Variants in ELAVL2 observed in about 807,000 individuals in gnomAD.
ELAVL2 encodes the protein ELAV like RNA binding protein 2.
Under a neutral mutation model 34.6 loss-of-function variants are expected in ELAVL2, and 4 were observed. The ratio of observed to expected loss-of-function variants is 0.12; its 90% CI spans 0.06 to 0.26. The LOEUF (loss-of-function observed/expected upper bound fraction) is 0.26. Among genes scored for constraint, ELAVL2 ranks in the 10% least tolerant of loss-of-function variants. ELAVL2 has a pLI of 1.00. For missense variants in ELAVL2, 432 were observed against 442.8 expected (o/e 0.98, Z 0.22); for synonymous variants, 193 against 154.8 (o/e 1.25, Z -1.83).
the ELAVL2 span, chr9:23,832,302 C>T: frequency 6.6e-6 from 1 of 152,258 alleles, no homozygotes; most frequent in African/African-American, 2.4e-5. Flanking sequence ...CAACTCCCTC[C>T]TCCCTTTACC....
chr9:23,706,506 T>C (rs540489075), intron 3 of ELAVL2, among the ~76,000 whole-genome samples: 134 of 152,324 alleles, frequency 8.8e-4, no homozygotes, highest in African/African-American at 2.9e-3. Flanking sequence ...TCTCTGCCTA[T>C]AACCTATCTT....
intron 1 of ELAVL2, among the ~76,000 whole-genome samples, chr9:23,775,404 A>G (rs374097118): frequency 3.9e-5 from 6 of 152,158 alleles, no homozygotes; most frequent in East Asian, 3.9e-4. Flanking sequence ...GCTATATTAC[A>G]TTCTCTTCAA....
chr9:23,716,409 A>G (rs1385387697), intron 3 of ELAVL2, among the ~76,000 whole-genome samples: 1 of 152,212 alleles, frequency 6.6e-6, no homozygotes, highest in Non-Finnish European at 1.5e-5. Flanking sequence ...CACATCTTCA[A>G]TGTATAGTGA....
intron 1 of ELAVL2, among the ~76,000 whole-genome samples, chr9:23,762,948 TAGGAC>T (rs2055377305): frequency 6.6e-6 from 1 of 152,060 alleles, no homozygotes; most frequent in South Asian, 2.1e-4. Context: ...TAGAATCTAA[TAGGAC>T]ACTCCTGTCA....
rs181727656 is a variant in ELAVL2, at chr9:23,690,841, A to G, written c.*1716T>C. 2.6e-5 allele frequency: 4 copies of G among 152,694 alleles called. 1 individual carries two copies. The highest frequency in any genetic ancestry group is 7.2e-5 in the African/African-American group (3 of 41,566). 9.5% of individuals were successfully genotyped at this position (152,694 alleles called of 1,614,324 possible). A position where few individuals can be genotyped will look rare whatever the true frequency, so the allele number is the denominator to read the frequency against. On this transcript the variant is annotated 3_prime_UTR_variant, in exon 7 of 7. Transcript: ENST00000397312. ...GAAAATTTATTATAAGCTAGATGCT[A>G]ATCAGAAAATATTTTGTATTTTTTA...
chr9:23,745,223 A>G (rs1003598361), intron 2 of ELAVL2, among the ~76,000 whole-genome samples: 12 of 152,252 alleles, frequency 7.9e-5, no homozygotes, highest in Middle Eastern at 6.8e-3. Flanking sequence ...CAAATAAAAT[A>G]CAAATCAAAT....
At chr9:23,732,163 G>C (rs1240538042) in intron 2 of ELAVL2, among the ~76,000 whole-genome samples, 2 of 152,180 alleles carry the variant, frequency 1.3e-5, no homozygotes, top group African/African-American at 2.4e-5. Flanking sequence ...CTTTTACTAA[G>C]TACTACTGTT....
At chr9:23,720,179 C>CTT (rs139066116) in intron 3 of ELAVL2, among the ~76,000 whole-genome samples, 46 of 147,032 alleles carry the variant, frequency 3.1e-4, no homozygotes, top group African/African-American at 8.2e-4. Context: ...ACCCTTTCAC[C>CTT]TTTTTTTTTT....
At position 23,703,062 on chromosome 9, in the gene ELAVL2, C is replaced by G. The variant is rs527888864; in HGVS notation, c.488-1458G>C. Among the ~76,000 whole-genome samples the G allele has an allele frequency of 4.0e-5, 6 of 149,770 alleles. No individual in the cohort carries two copies. In the East Asian group the frequency reaches 1.2e-3, roughly 30 times the overall value. On this transcript the variant is annotated intron_variant, in intron 4 of 6. Coordinates refer to ENST00000397312, the MANE Select transcript of ELAVL2 (RefSeq NM_004432.5). Reference sequence around the variant, plus strand: ...CTAAGAACAACCTGTGGCTCACCCTCAGAGATTTATTCAGTAGGTTCTGAA... The same window carrying G: ...CTAAGAACAACCTGTGGCTCACCCTGAGAGATTTATTCAGTAGGTTCTGAA...
chr9:23,752,114 A>G (rs1467672561), intron 2 of ELAVL2, among the ~76,000 whole-genome samples: 4 of 152,160 alleles, frequency 2.6e-5, no homozygotes, highest in African/African-American at 9.7e-5. Context: ...GGGAAAAACA[A>G]AAGTCTGCAA....
chr9:23,702,545 C>A (rs1887901), intron 4 of ELAVL2, among the ~76,000 whole-genome samples: 19,716 of 149,014 alleles, frequency 0.13, 1,386 homozygotes, highest in Non-Finnish European at 0.15. Flanking sequence ...TTTTTTTTGG[C>A]AAGTAAATGA....
the ELAVL2 span, chr9:23,832,219 T>C: frequency 6.6e-6 from 1 of 152,162 alleles, no homozygotes; most frequent in Non-Finnish European, 1.5e-5. Context: ...GAATGATTTT[T>C]AGAATAGCCT....
At chr9:23,788,064 T>A (rs980383561) in intron 1 of ELAVL2, among the ~76,000 whole-genome samples, 1 of 152,080 alleles carries the variant, frequency 6.6e-6, no homozygotes, top group Non-Finnish European at 1.5e-5. Context: ...GGTTAGAAAA[T>A]TTTTACTTTT....
rs566734669 is a variant in ELAVL2, at chr9:23,721,145, A to G, written c.333+9877T>C. Among the ~76,000 whole-genome samples, 20 of 152,348 alleles carry G rather than the reference A, an allele frequency of 1.3e-4. 1 individual carries two copies. The South Asian group carries it at 4.1e-3, about 32-fold the overall frequency. On this transcript the variant is annotated intron_variant, in intron 3 of 6. Coordinates refer to ENST00000397312, the MANE Select transcript of ELAVL2 (RefSeq NM_004432.5). ...ATGCCAGGTAGCTTGAAAGCAAAGC[A>G]TTTAGGAATATAAATCACCTGCAAA...
intron 1 of ELAVL2, among the ~76,000 whole-genome samples, chr9:23,786,690 G>A (rs888771768): frequency 1.3e-5 from 2 of 150,638 alleles, no homozygotes; most frequent in African/African-American, 2.4e-5. Flanking sequence ...GATAGGACCA[G>A]GAGCCTGTTA....
At chr9:23,773,744 G>T (rs1236542882) in intron 1 of ELAVL2, among the ~76,000 whole-genome samples, 2 of 152,094 alleles carry the variant, frequency 1.3e-5, no homozygotes, top group African/African-American at 4.8e-5. Context: ...TCCACTCTAG[G>T]AAGGAAAAGA....
rs1408240112 is a variant in ELAVL2, at chr9:23,691,163, G to C, written c.*1394C>G. ...TCCTCAGGACAACAAAAGTGATTAA[G>C]CAAGACCTCAAGTAACAATGTTAAT... On this transcript the variant is annotated 3_prime_UTR_variant, in exon 7 of 7. Transcript: ENST00000397312. 6.6e-6 allele frequency: 1 copy of C among 152,398 alleles called. No homozygotes were observed. Among genetic ancestry groups the C allele is most frequent in the African/African-American group, 2.4e-5 (1 of 41,390 alleles). 9.4% of individuals were successfully genotyped at this position (152,398 alleles called of 1,614,324 possible). A position where few individuals can be genotyped will look rare whatever the true frequency, so the allele number is the denominator to read the frequency against.
chr9:23,731,436 T>A (rs560307175), intron 2 of ELAVL2, among the ~76,000 whole-genome samples: 1 of 152,184 alleles, frequency 6.6e-6, no homozygotes, highest in Non-Finnish European at 1.5e-5. Flanking sequence ...TCATAAACTG[T>A]GGGGATAAAT....
At chr9:23,815,727 T>C (rs542226660) in intron 1 of ELAVL2, among the ~76,000 whole-genome samples, 1 of 152,284 alleles carries the variant, frequency 6.6e-6, no homozygotes, top group Admixed American at 6.5e-5. Context: ...TTCAGACTTC[T>C]AGCCTACTAT....
Sources: gnomAD v4.1 joint callset for allele counts (sites outside exome capture counted in the v4.1 genomes callset) on GRCh38, gnomAD v4.1.1 for gene constraint, MANE v1.5 for transcripts, NCBI Gene and HGNC (gene_info 2026-07-23, HGNC 2026-07-21) for gene names.